The following ZNF592 variants were observed in gnomAD, a reference collection of about 807,000 sequenced individuals.
The protein encoded by ZNF592 is spinocerebellar ataxia, autosomal recessive 5.
In ZNF592, 11 loss-of-function variants were observed where a neutral mutation model predicts 80.3. That is an observed-to-expected ratio of 0.14 (90% CI 0.09 to 0.23). The LOEUF is 0.23. Ranked by LOEUF, ZNF592 falls within the 10% of genes least tolerant of loss-of-function variation. ZNF592 has a pLI of 1.00. For synonymous variants in ZNF592, 646 were observed against 640.3 expected (o/e 1.01, Z -0.13); for missense variants, 1,420 against 1,633.9 (o/e 0.87, Z 2.26).
intron 1 of ZNF592, among the ~76,000 whole-genome samples, chr15:84,763,106 C>T (rs973993587): frequency 6.6e-6 from 1 of 152,158 alleles, no homozygotes; most frequent in Non-Finnish European, 1.5e-5. Context: ...GAAAACTGAC[C>T]TGCTGGTTTG....
At position 84,783,950 on chromosome 15, in the gene ZNF592, G is replaced by A. The variant is rs1179452586; in HGVS notation, c.1275G>A (p.Glu425=). ...CCCCCAGCGAGATGCCAGGGGATGA[G>A]GTGCCTGTGGAAGAGCACTTTCCTG... ...AEAPSEMPGD[E]VPVEEHFPEA... Residue 425 remains glutamate, a synonymous_variant, in exon 4 of 11, where the codon GAG becomes GAA. Transcript: ENST00000560079. The surrounding 1 kb of genome is among the most constrained non-coding windows in gnomAD (Gnocchi z 5.0). 1.2e-5 allele frequency: 20 copies of A among 1,613,914 alleles called. No homozygotes were observed. Among genetic ancestry groups the A allele is most frequent in the Non-Finnish European group, 1.7e-5 (20 of 1,179,776 alleles).
chr15:84,775,197 G>T (rs1428677972), intron 2 of ZNF592, among the ~76,000 whole-genome samples: 1 of 152,038 alleles, frequency 6.6e-6, no homozygotes, highest in African/African-American at 2.4e-5. Context: ...CCTGGTTCAA[G>T]CGATTCTCCG....
intron 1 of ZNF592, among the ~76,000 whole-genome samples, chr15:84,750,040 G>A (rs867151793): frequency 6.6e-6 from 1 of 152,238 alleles, no homozygotes. Context: ...GGTGGCTCGC[G>A]CCTGTAATCC....
chr15:84,748,881 G>C (rs1376867185), intron 1 of ZNF592, among the ~76,000 whole-genome samples: 23 of 148,586 alleles, frequency 1.5e-4, no homozygotes, highest in Non-Finnish European at 6.0e-5. Context: ...CCCGGCCGTC[G>C]GGCGCCGGCC....
chr15:84,784,468 T>C lies in ZNF592; in HGVS notation c.1793T>C (p.Leu598Ser). Residue 598 changes from leucine to serine, a missense_variant, in exon 4 of 11, where the codon TTA becomes TCA. This residue lies in a region of ZNF592 where 524 missense variants were observed against 628.3 expected (regional missense o/e 0.83). Transcript: ENST00000560079. The surrounding 1 kb of genome is among the most constrained non-coding windows in gnomAD (Gnocchi z 5.8). ...CTGGAGTGTGGAGACGCATTTGCCT[T>C]AGAGAAGAGCCTGAGCCAGCACTAT... Reference protein sequence around the residue: ...CCLECGDAFALEKSLSQHYGR... With the variant: ...CCLECGDAFASEKSLSQHYGR... The C allele has an allele frequency of 6.2e-7, 1 of 1,614,132 alleles. No individual in the cohort carries two copies. Among genetic ancestry groups the C allele is most frequent in the Non-Finnish European group, 8.5e-7 (1 of 1,180,006 alleles).
chr15:84,762,577 G>T (rs1353652450), intron 1 of ZNF592, among the ~76,000 whole-genome samples: 1 of 152,182 alleles, frequency 6.6e-6, no homozygotes, highest in African/African-American at 2.4e-5. Flanking sequence ...CTGAGCTGGG[G>T]TTAGGCATTA....
chr15:84,781,191 G>A (rs1402766985), intron 3 of ZNF592, among the ~76,000 whole-genome samples: 1 of 151,992 alleles, frequency 6.6e-6, no homozygotes, highest in Non-Finnish European at 1.5e-5. Flanking sequence ...TGGGATTAAG[G>A]CGCCCACCAC....
chr15:84,752,227 A>C (rs887890221), intron 1 of ZNF592, among the ~76,000 whole-genome samples: 1 of 152,176 alleles, frequency 6.6e-6, no homozygotes, highest in African/African-American at 2.4e-5. Context: ...CCATGTGATC[A>C]GTCATTCAAC....
chr15:84,766,168 G>A (rs1358264233), intron 2 of ZNF592, among the ~76,000 whole-genome samples: 8 of 151,832 alleles, frequency 5.3e-5, no homozygotes, highest in African/African-American at 1.9e-4. Context: ...ACACACCACC[G>A]TGCCTGGCTA....
In ZNF592 at chr15:84,799,984, G is replaced by A. The variant is rs1231732599; in HGVS notation, c.3273+7G>A. 1.2e-6 allele frequency: 2 copies of A among 1,614,178 alleles called. No homozygotes were observed. The highest frequency in any genetic ancestry group is 1.7e-6 in the Non-Finnish European group (2 of 1,180,016). ...GGGTGGACATTCCCCTCAGGTGAGT[G>A]TGGGCTCCCTGCCTATTGGAGCTGG... On this transcript the variant is annotated splice_region_variant and intron_variant, in intron 10 of 10. Transcript: ENST00000560079. The surrounding 1 kb of genome is among the most constrained non-coding windows in gnomAD (Gnocchi z 4.2).
intron 2 of ZNF592, among the ~76,000 whole-genome samples, chr15:84,770,963 G>A (rs1361380513): frequency 6.6e-6 from 1 of 152,132 alleles, no homozygotes; most frequent in Non-Finnish European, 1.5e-5. Flanking sequence ...AAAAGGCATG[G>A]CAGGGGGAGA....
Position 84,770,362 on chromosome 15 carries a change from T to C in ZNF592, c.-150+5547T>C, listed in dbSNP as rs374635302. Among the ~76,000 whole-genome samples, 394 of 152,340 alleles carry C rather than the reference T, an allele frequency of 2.6e-3. 1 individual carries two copies. The highest frequency in any genetic ancestry group is 8.9e-3 in the African/African-American group (370 of 41,578). On this transcript the variant is annotated intron_variant, in intron 2 of 10. Transcript: ENST00000560079. ...TAAAATAGCAGGAAAGAGAACACTT[T>C]ACTGAAATGTTCAGTAAACTACAGT...
chr15:84,798,087 A>G lies in ZNF592; in HGVS notation c.2576+42A>G, dbSNP rs1424552888. On this transcript the variant is annotated intron_variant, in intron 6 of 10. Transcript: ENST00000560079. This position sits in a 1 kb window ranked among gnomAD's most constrained non-coding sequence, Gnocchi z 4.5. Reference sequence around the variant, plus strand: ...GGCCAGCAGGCCCTGTGGAGCAGAGAGGAGTAGCCTGGGTGCTGTAGGGGG... The same window carrying G: ...GGCCAGCAGGCCCTGTGGAGCAGAGGGGAGTAGCCTGGGTGCTGTAGGGGG... 1 of 1,609,488 alleles carries G rather than the reference A, an allele frequency of 6.2e-7. No homozygotes were observed. Among genetic ancestry groups the G allele is most frequent in the South Asian group, 1.1e-5 (1 of 90,836 alleles).
Position 84,783,687 on chromosome 15 carries a change from G to A in ZNF592, c.1012G>A (p.Ala338Thr). 6.2e-7 allele frequency: 1 copy of A among 1,614,222 alleles called. No homozygotes were observed. The highest frequency in any genetic ancestry group is 8.5e-7 in the Non-Finnish European group (1 of 1,180,038). The part of the protein sequence containing the change: ...SPKSPRSPLE[A>T]TRKSIKPSDS... ...AAAGAGTCCCCGGAGCCCTCTGGAG[G>A]CCACTAGAAAAAGTATCAAGCCATC... is the stretch of plus-strand genomic sequence containing the variant. Residue 338 changes from alanine (A) to threonine (T), a missense_variant, in exon 4 of 11, where the codon GCC becomes ACC. Ala to Thr is a moderately conservative substitution (Grantham distance 58, BLOSUM62 0). Around this residue, in one of 7 missense-constraint regions of ZNF592, gnomAD observed 524 missense variants for 628.3 expected, o/e 0.83. Transcript: ENST00000560079. This position sits in a 1 kb window ranked among gnomAD's most constrained non-coding sequence, Gnocchi z 5.0.
intron 4 of ZNF592, 66 bp from the exon 5 acceptor site, chr15:84,790,639 G>T: frequency 6.4e-7 from 1 of 1,552,506 alleles, no homozygotes; most frequent in Non-Finnish European, 8.9e-7. Context: ...AAACCAGACA[G>T]CCCTGATTGG....
At position 84,791,301 on chromosome 15, in the gene ZNF592, C is replaced by T. The variant is rs73455542; in HGVS notation, c.2399+418C>T. 9.3e-3 allele frequency among the ~76,000 whole-genome samples: 1,413 copies of T among 152,320 alleles called. 22 individuals are homozygous for T. The highest frequency in any genetic ancestry group is 0.033 in the African/African-American group (1,355 of 41,564). On this transcript the variant is annotated intron_variant, in intron 5 of 10. Coordinates refer to ENST00000560079, the MANE Select transcript of ZNF592 (RefSeq NM_014630.3). ...ACAAATGGGGCTGCAAGATGCCAAA[C>T]TCAAAGGGCTTTAGTATCTTTCTTT... is the stretch of plus-strand genomic sequence containing the variant.
At chr15:84,785,004 T>C (rs1373760807) in intron 4 of ZNF592, 109 bp downstream of exon 4, 14 of 1,281,852 alleles carry the variant, frequency 1.1e-5, no homozygotes, top group Middle Eastern at 2.2e-4. Context: ...TGGAATCTTA[T>C]GAGTCTTAGA....
In ZNF592 at chr15:84,783,704, C is replaced by G. The variant is rs902005917; in HGVS notation, c.1029C>G (p.Ile343Met). The G allele has an allele frequency of 1.9e-6, 3 of 1,614,244 alleles. No individual in the cohort carries two copies. Among genetic ancestry groups the G allele is most frequent in the Non-Finnish European group, 2.5e-6 (3 of 1,180,038 alleles). Residue 343 changes from isoleucine to methionine, a missense_variant, in exon 4 of 11, where the codon ATC becomes ATG. This residue lies in a region of ZNF592 where 524 missense variants were observed against 628.3 expected (regional missense o/e 0.83). Coordinates refer to ENST00000560079, the MANE Select transcript of ZNF592 (RefSeq NM_014630.3). The surrounding 1 kb of genome is among the most constrained non-coding windows in gnomAD (Gnocchi z 5.0). ...CTCTGGAGGCCACTAGAAAAAGTAT[C>G]AAGCCATCGGACAGCCCTCGTAGCA... ...RSPLEATRKSIKPSDSPRSIC... is the reference protein window; with the variant it reads ...RSPLEATRKSMKPSDSPRSIC...
At chr15:84,790,990 T>C in intron 5 of ZNF592, 107 bp downstream of exon 5, 1 of 1,305,524 alleles carries the variant, frequency 7.7e-7, no homozygotes, top group Non-Finnish European at 1.1e-6. Flanking sequence ...TGGGTTCCAG[T>C]CTACACAGGA....
Sources: gnomAD v4.1 joint callset for allele counts (sites outside exome capture counted in the v4.1 genomes callset) on GRCh38, gnomAD v4.1.1 for gene constraint, gnomAD v4.1.1 regional missense constraint, Gnocchi (gnomAD v3.1) non-coding constraint, MANE v1.5 for transcripts, NCBI Gene and HGNC (gene_info 2026-07-23, HGNC 2026-07-21) for gene names.